Variants in TCF12 observed in about 807,000 individuals in gnomAD.
TCF12 encodes the protein transcription factor 12.
Under a neutral mutation model 86.0 loss-of-function variants are expected in TCF12, and 45 were observed. That is an observed-to-expected ratio of 0.52 (90% CI 0.41 to 0.67). The LOEUF (loss-of-function observed/expected upper bound fraction) is 0.67. TCF12 is among the 30% of genes least tolerant of loss of function. The probability of loss-of-function intolerance (pLI) is 0.00; values close to 1 mark genes in which losing one functional copy is unlikely to be tolerated. For synonymous variants in TCF12, 330 were observed against 299.6 expected, an observed-to-expected ratio of 1.10 and a Z score of -1.05; for missense variants, 881 against 859.9, an observed-to-expected ratio of 1.02 and a Z score of -0.31.
At chr15:57,170,042 A>C (rs2055195188) in intron 6 of TCF12, among the ~76,000 whole-genome samples, 1 of 152,208 alleles carries the variant, frequency 6.6e-6, no homozygotes, top group South Asian at 2.1e-4. Context: ...AACTAAACAT[A>C]ATCACATTTA....
At position 56,973,203 on chromosome 15, in the gene TCF12, A is replaced by G. The variant is rs552110147; in HGVS notation, c.148+52105A>G. 2.0e-4 allele frequency among the ~76,000 whole-genome samples: 31 copies of G among 152,222 alleles called. 1 individual carries two copies. The South Asian group carries it at 5.6e-3, about 27-fold the overall frequency. On this transcript the variant is annotated intron_variant, in intron 3 of 20. Coordinates refer to ENST00000333725, the MANE Select transcript of TCF12 (RefSeq NM_207037.2). The stretch of plus-strand genomic sequence containing the variant: ...CCTCCCATCTGTCAGTCGATCAACA[A>G]TCAAAATAGTTATAGATGAGACAGG...
At chr15:57,266,885 G>A (rs552643774) in intron 18 of TCF12, among the ~76,000 whole-genome samples, 28 of 152,128 alleles carry the variant, frequency 1.8e-4, no homozygotes, top group African/African-American at 4.6e-4. Context: ...AAAAATTAGC[G>A]GGGCATGGTG....
chr15:56,967,301 C>T (rs1416458744), intron 3 of TCF12, among the ~76,000 whole-genome samples: 1 of 146,182 alleles, frequency 6.8e-6, no homozygotes. Context: ...TCTGTAAATA[C>T]AAAGAAAAAA....
intron 3 of TCF12, among the ~76,000 whole-genome samples, chr15:56,981,442 T>C (rs2062886384): frequency 6.6e-6 from 1 of 152,150 alleles, no homozygotes; most frequent in African/African-American, 2.4e-5. Context: ...AAGCCCTTTT[T>C]ATAGTGGTGT....
At chr15:57,053,238 A>G (rs2067762656) in intron 3 of TCF12, among the ~76,000 whole-genome samples, 1 of 152,166 alleles carries the variant, frequency 6.6e-6, no homozygotes, top group African/African-American at 2.4e-5. Context: ...GCAGCTTTTC[A>G]TATACCTGTT....
intron 18 of TCF12, among the ~76,000 whole-genome samples, chr15:57,271,873 A>G (rs1200070536): frequency 7.2e-5 from 11 of 152,208 alleles, no homozygotes; most frequent in Admixed American, 2.6e-4. Flanking sequence ...ATATTTTGTC[A>G]TTTTGACAAG....
chr15:57,271,691 G>A lies in TCF12; in HGVS notation c.1746-1339G>A, dbSNP rs566283479. On this transcript the variant is annotated intron_variant, in intron 18 of 20. Coordinates refer to ENST00000333725, the MANE Select transcript of TCF12 (RefSeq NM_207037.2). ...TTCTTCGATCTCACTGGGAGCTGTA[G>A]ACCAGAGCTGTTCCTATTTGGCCAT... is the stretch of plus-strand genomic sequence containing the variant. Among the ~76,000 whole-genome samples the A allele has an allele frequency of 4.6e-5, 7 of 152,276 alleles. No homozygotes were observed. In the South Asian group the frequency reaches 1.5e-3, roughly 32 times the overall value.
At position 57,123,678 on chromosome 15, in the gene TCF12, G is replaced by A. The variant is rs1241132313; in HGVS notation, c.325+31787G>A. ...AAAAAAAAAAGTTTTAAGGCCGGGT[G>A]CAGTGGCTCATGCCTGTAATTCCAG... On this transcript the variant is annotated intron_variant, in intron 5 of 20. Coordinates refer to ENST00000333725, the MANE Select transcript of TCF12 (RefSeq NM_207037.2). Among the ~76,000 whole-genome samples, 9 of 152,044 alleles carry A rather than the reference G, an allele frequency of 5.9e-5. No individual in the cohort carries two copies. In the South Asian group the frequency reaches 1.7e-3, roughly 28 times the overall value.
chr15:57,262,353 A>G lies in TCF12; in HGVS notation c.1582+145A>G, dbSNP rs369697647. 9.2e-4 allele frequency: 619 copies of G among 676,466 alleles called. 4 individuals carry two copies. In the African/African-American group the frequency reaches 0.01, roughly 11 times the overall value. 41.9% of individuals were successfully genotyped at this position (676,466 alleles called of 1,614,324 possible). On this transcript the variant is annotated intron_variant, in intron 17 of 20. Coordinates refer to ENST00000333725, the MANE Select transcript of TCF12 (RefSeq NM_207037.2). Reference sequence around the variant, plus strand: ...CAAATAGCGTGGAGAGCAGATATTTAGGGTTCCAACTGGCCCACCTAGGTT... The same window carrying G: ...CAAATAGCGTGGAGAGCAGATATTTGGGGTTCCAACTGGCCCACCTAGGTT...
chr15:56,956,546 C>T (rs1219273427), intron 3 of TCF12, among the ~76,000 whole-genome samples: 1 of 152,076 alleles, frequency 6.6e-6, no homozygotes, highest in Non-Finnish European at 1.5e-5. Context: ...ACTTCAACAA[C>T]TTTAACCTTT....
chr15:56,996,190 A>G (rs2141006732), intron 3 of TCF12, among the ~76,000 whole-genome samples: 1 of 152,182 alleles, frequency 6.6e-6, no homozygotes, highest in African/African-American at 2.4e-5. Flanking sequence ...GTTTGGTAGT[A>G]TTTTGTTGAG....
chr15:57,190,139 T>C (rs1467896989), intron 6 of TCF12, among the ~76,000 whole-genome samples: 1 of 152,176 alleles, frequency 6.6e-6, no homozygotes, highest in African/African-American at 2.4e-5. Flanking sequence ...GATGAGACTG[T>C]TCTGAAACCT....
At chr15:57,162,877 A>G (rs1478073276) in intron 5 of TCF12, among the ~76,000 whole-genome samples, 1 of 152,100 alleles carries the variant, frequency 6.6e-6, no homozygotes, top group Non-Finnish European at 1.5e-5. Flanking sequence ...TCAAAATACA[A>G]TACAGTATTA....
chr15:57,168,855 G>A (rs1336777458), intron 6 of TCF12, among the ~76,000 whole-genome samples: 1 of 152,110 alleles, frequency 6.6e-6, no homozygotes, highest in Admixed American at 6.5e-5. Context: ...AGACCAGCCT[G>A]GCCAGCATGG....
intron 3 of TCF12, among the ~76,000 whole-genome samples, chr15:57,044,575 A>T (rs1170501541): frequency 4.7e-5 from 7 of 150,512 alleles, no homozygotes; most frequent in Non-Finnish European, 8.9e-5. Flanking sequence ...TTGCCTTACC[A>T]TTTTTTTTCT....
chr15:56,989,976 G>C (rs942672189), intron 3 of TCF12, among the ~76,000 whole-genome samples: 3 of 152,090 alleles, frequency 2.0e-5, no homozygotes, highest in Non-Finnish European at 4.4e-5. Flanking sequence ...TTATATGTCT[G>C]TGTAAACAAA....
At chr15:57,185,939 TTGAC>T (rs764108032) in intron 6 of TCF12, among the ~76,000 whole-genome samples, 6 of 151,986 alleles carry the variant, frequency 3.9e-5, no homozygotes, top group Non-Finnish European at 5.9e-5. Flanking sequence ...TTTAGCTAGA[TTGAC>T]TGAGAAAAAA....
chr15:57,098,239 T>A (rs2049477668), intron 5 of TCF12, among the ~76,000 whole-genome samples: 1 of 151,960 alleles, frequency 6.6e-6, no homozygotes, highest in Admixed American at 6.6e-5. Flanking sequence ...GCATTGACCC[T>A]CTTGATTCTG....
In TCF12 at chr15:57,247,308, C is replaced by CATAG. The variant is rs551838400; in HGVS notation, c.1114+3759_1114+3762dup. 45 of 657,968 alleles carry CATAG rather than the reference C, an allele frequency of 6.8e-5. No individual in the cohort carries two copies. In the East Asian group the frequency reaches 1.2e-3, roughly 17 times the overall value. 40.8% of individuals were successfully genotyped at this position (657,968 alleles called of 1,614,324 possible). On this transcript the variant is annotated intron_variant, in intron 13 of 20. Transcript: ENST00000333725. ...CCTCTGCTGCCACCACCTTCACCAC[C>CATAG]ATAGCCTCCTCTTCCATCAGAGTTT...
Sources: allele counts gnomAD v4.1 joint callset (sites outside exome capture counted in the v4.1 genomes callset), GRCh38; gene constraint gnomAD v4.1.1; transcripts MANE v1.5; gene names NCBI Gene and HGNC (gene_info 2026-07-23, HGNC 2026-07-21).